The following SUGCT variants were observed in gnomAD, a reference collection of about 807,000 sequenced individuals.
SUGCT encodes succinyl-CoA:glutarate CoA-transferase.
A neutral mutation model predicts 55.0 loss-of-function variants in SUGCT; 41 were observed. That is an observed-to-expected ratio of 0.74 (90% CI 0.58 to 0.97). SUGCT has a LOEUF of 0.97. SUGCT is among the 50% of genes least tolerant of loss of function. SUGCT has a pLI of 0.00. For synonymous variants in SUGCT, 187 were observed against 200.4 expected (o/e 0.93, Z 0.56); for missense variants, 568 against 547.8 (o/e 1.04, Z -0.37).
chr7:40,696,436 G>A (rs1584290885), intron 12 of SUGCT, among the ~76,000 whole-genome samples: 1 of 152,160 alleles, frequency 6.6e-6, no homozygotes, highest in Admixed American at 6.5e-5. Context: ...GACTATGCCA[G>A]TCTCCAAGGG....
chr7:40,531,264 G>GCTCT (rs1794066549), intron 12 of SUGCT, among the ~76,000 whole-genome samples: 1 of 152,164 alleles, frequency 6.6e-6, no homozygotes, highest in East Asian at 1.9e-4. Flanking sequence ...CCTCAGAAGA[G>GCTCT]CTCTGTAAAG....
intron 8 of SUGCT, among the ~76,000 whole-genome samples, chr7:40,296,409 A>G (rs1794146360): frequency 6.6e-6 from 1 of 152,068 alleles, no homozygotes; most frequent in Non-Finnish European, 1.5e-5. Flanking sequence ...AATGTTGTGT[A>G]CCCATGTTTC....
chr7:40,527,187 G>A (rs944830077), intron 12 of SUGCT, among the ~76,000 whole-genome samples: 1 of 152,136 alleles, frequency 6.6e-6, no homozygotes, highest in South Asian at 2.1e-4. Flanking sequence ...AAAAGGTTCT[G>A]TGTGATCATC....
intron 13 of SUGCT, among the ~76,000 whole-genome samples, chr7:40,849,810 C>A (rs974941191): frequency 1.3e-5 from 2 of 151,936 alleles, no homozygotes; most frequent in African/African-American, 4.8e-5. Context: ...AGGCACTAGG[C>A]CCTCCTTGTG....
intron 12 of SUGCT, among the ~76,000 whole-genome samples, chr7:40,642,281 A>G (rs979576976): frequency 6.6e-6 from 1 of 152,212 alleles, no homozygotes; most frequent in African/African-American, 2.4e-5. Context: ...AAGTGATCAA[A>G]TGCAGAGATA....
the SUGCT span, among the ~76,000 whole-genome samples, chr7:41,017,901 G>C: frequency 1.8e-3 from 276 of 152,032 alleles, 1 homozygote; most frequent in African/African-American, 6.2e-3. Flanking sequence ...AGAAGCCTGA[G>C]AGCCACCCAG....
chr7:40,714,789 G>A (rs1785926809), intron 12 of SUGCT, among the ~76,000 whole-genome samples: 2 of 152,158 alleles, frequency 1.3e-5, no homozygotes, highest in Admixed American at 6.5e-5. Context: ...TGCTAGCCAA[G>A]TCAAACTGTA....
At chr7:40,194,355 G>A (rs1178747616) in intron 5 of SUGCT, among the ~76,000 whole-genome samples, 2 of 152,088 alleles carry the variant, frequency 1.3e-5, no homozygotes, top group South Asian at 2.1e-4. Flanking sequence ...TCAATTTACC[G>A]GCTCAAGTGA....
At chr7:40,233,625 A>G (rs1012774071) in intron 6 of SUGCT, among the ~76,000 whole-genome samples, 39 of 152,170 alleles carry the variant, frequency 2.6e-4, no homozygotes, top group African/African-American at 8.0e-4. Flanking sequence ...TTAGATGTCT[A>G]TTGTCATCAT....
intron 13 of SUGCT, among the ~76,000 whole-genome samples, chr7:40,834,370 A>C (rs753989758): frequency 5.9e-5 from 9 of 152,200 alleles, no homozygotes; most frequent in Non-Finnish European, 1.0e-4. Context: ...TGCATCTGAT[A>C]TAAAATCAGG....
the SUGCT span, among the ~76,000 whole-genome samples, chr7:40,915,401 C>T: frequency 2.0e-5 from 3 of 152,110 alleles, no homozygotes; most frequent in South Asian, 6.2e-4. Flanking sequence ...CTCAAATGTT[C>T]CTAAAGGAGG....
At chr7:40,686,508 A>G (rs1303074950) in intron 12 of SUGCT, among the ~76,000 whole-genome samples, 4 of 152,236 alleles carry the variant, frequency 2.6e-5, no homozygotes, top group Non-Finnish European at 5.9e-5. Context: ...TTGATATTTC[A>G]GAGCGTGGCA....
In SUGCT at chr7:40,450,500, C is replaced by T. The variant is rs146238859; in HGVS notation, c.888+1142C>T. On this transcript the variant is annotated intron_variant, in intron 10 of 13. Coordinates refer to ENST00000335693, the MANE Select transcript of SUGCT (RefSeq NM_001193313.2). ...ATTAAAGATGACTATGAGGGCCAGGCGCAGTGGCTCATGCCTGCAATCCCA... is the reference window on the plus strand; with the variant it reads ...ATTAAAGATGACTATGAGGGCCAGGTGCAGTGGCTCATGCCTGCAATCCCA... Among the ~76,000 whole-genome samples, 31 of 151,376 alleles carry T rather than the reference C, an allele frequency of 2.0e-4. No individual in the cohort carries two copies. The East Asian group carries it at 4.9e-3, about 24-fold the overall frequency.
At chr7:40,900,846 A>C in the SUGCT span, among the ~76,000 whole-genome samples, 1 of 152,248 alleles carries the variant, frequency 6.6e-6, no homozygotes, top group Non-Finnish European at 1.5e-5. Flanking sequence ...TTACAAAGTG[A>C]TTAACCTATG....
At chr7:40,306,530 A>G (rs1289281941) in intron 8 of SUGCT, among the ~76,000 whole-genome samples, 1 of 152,226 alleles carries the variant, frequency 6.6e-6, no homozygotes, top group Non-Finnish European at 1.5e-5. Flanking sequence ...TAAATGCATG[A>G]AGAAAGTAAT....
intron 11 of SUGCT, among the ~76,000 whole-genome samples, chr7:40,470,777 C>G (rs896597507): frequency 1.3e-5 from 2 of 150,918 alleles, no homozygotes; most frequent in Non-Finnish European, 2.9e-5. Flanking sequence ...CTCTCTCTCT[C>G]TCTGTCTTTC....
At chr7:40,507,082 C>G (rs1051864472) in intron 12 of SUGCT, among the ~76,000 whole-genome samples, 8 of 151,986 alleles carry the variant, frequency 5.3e-5, no homozygotes, top group Non-Finnish European at 8.8e-5. Context: ...TGCCAGCTTT[C>G]TTCTTTCTGT....
At chr7:40,622,292 C>A (rs898499329) in intron 12 of SUGCT, among the ~76,000 whole-genome samples, 3 of 152,150 alleles carry the variant, frequency 2.0e-5, no homozygotes, top group Non-Finnish European at 4.4e-5. Flanking sequence ...CATACTTGGG[C>A]TTTGACTTAA....
chr7:41,005,283 C>G, the SUGCT span, among the ~76,000 whole-genome samples: 2 of 152,030 alleles, frequency 1.3e-5, no homozygotes, highest in Non-Finnish European at 2.9e-5. Flanking sequence ...TGATACAGAC[C>G]TATCGAAGCA....
Sources: allele counts gnomAD v4.1 joint callset (sites outside exome capture counted in the v4.1 genomes callset), GRCh38; gene constraint gnomAD v4.1.1; transcripts MANE v1.5; gene names NCBI Gene and HGNC (gene_info 2026-07-23, HGNC 2026-07-21).